UNC13C: variants seen among roughly 807,000 people sequenced by gnomAD.
UNC13C encodes the protein unc-13 homolog C.
A neutral mutation model predicts 245.4 loss-of-function variants in UNC13C; 174 were observed. The ratio of observed to expected loss-of-function variants is 0.71; its 90% CI spans 0.63 to 0.80. UNC13C has a LOEUF of 0.80. UNC13C is among the 30% of genes least tolerant of loss of function. The pLI, the probability that UNC13C is intolerant of heterozygous loss-of-function variation, is 0.00. For synonymous variants in UNC13C, 992 were observed against 895.1 expected (o/e 1.11, Z -1.93); for missense variants, 2,829 against 2,602.9 (o/e 1.09, Z -1.89).
intron 30 of UNC13C, 75 bp downstream of exon 30, chr15:54,568,022 A>G (rs1251834043): frequency 5.2e-6 from 6 of 1,149,862 alleles, no homozygotes; most frequent in East Asian, 5.5e-5. Context: ...ATTATTATAC[A>G]TAGTCCCAAT....
In UNC13C at chr15:54,540,689, T is replaced by G. The variant is rs867858835; in HGVS notation, c.5697-6033T>G. 3.9e-5 allele frequency among the ~76,000 whole-genome samples: 6 copies of G among 152,252 alleles called. No individual in the cohort carries two copies. In the South Asian group the frequency reaches 1.2e-3, roughly 32 times the overall value. Reference sequence around the variant, plus strand: ...ACATCTTCCTTCTTTATGTTGCACTTTCTCCACTAAGACCTTACCCCTTCA... The same window carrying G: ...ACATCTTCCTTCTTTATGTTGCACTGTCTCCACTAAGACCTTACCCCTTCA... On this transcript the variant is annotated intron_variant, in intron 26 of 32. Coordinates refer to ENST00000260323, the MANE Select transcript of UNC13C (RefSeq NM_001080534.3).
chr15:53,897,545 G>A, the UNC13C span, among the ~76,000 whole-genome samples: 2 of 152,106 alleles, frequency 1.3e-5, no homozygotes, highest in African/African-American at 2.4e-5. Context: ...CTCCCAAATA[G>A]CCAGTATTAT....
At chr15:54,379,842 T>A (rs189991483) in intron 17 of UNC13C, among the ~76,000 whole-genome samples, 15 of 152,304 alleles carry the variant, frequency 9.8e-5, no homozygotes, top group African/African-American at 3.6e-4. Flanking sequence ...GGTATGGGTT[T>A]TAAAATTATT....
the UNC13C span, among the ~76,000 whole-genome samples, chr15:53,909,166 G>A: frequency 1.2e-4 from 18 of 146,524 alleles, 1 homozygote; most frequent in South Asian, 3.2e-3. Context: ...AGAGAAAATC[G>A]CCATCGCTAC....
chr15:53,908,842 A>AT, the UNC13C span, among the ~76,000 whole-genome samples: 10 of 144,752 alleles, frequency 6.9e-5, no homozygotes, highest in African/African-American at 2.5e-4. Flanking sequence ...TATATTTAGC[A>AT]TTAGTTGAGT....
intron 4 of UNC13C, among the ~76,000 whole-genome samples, chr15:54,180,019 CTT>C (rs2033744954): frequency 1.3e-5 from 2 of 151,920 alleles, no homozygotes. Flanking sequence ...ATTTTATTGA[CTT>C]TATTTTACTT....
At chr15:53,983,286 C>T (rs1460281557) in intron 1 of UNC13C, among the ~76,000 whole-genome samples, 2 of 152,090 alleles carry the variant, frequency 1.3e-5, no homozygotes, top group Non-Finnish European at 2.9e-5. Flanking sequence ...GATTGACTCT[C>T]TCCAGTGCCT....
intron 2 of UNC13C, among the ~76,000 whole-genome samples, chr15:54,092,713 T>C (rs1595843360): frequency 6.6e-6 from 1 of 152,184 alleles, no homozygotes; most frequent in East Asian, 1.9e-4. Flanking sequence ...AATGAACTCA[T>C]AGTATCAAAA....
At chr15:54,427,386 T>C (rs1390858996) in intron 19 of UNC13C, among the ~76,000 whole-genome samples, 1 of 151,794 alleles carries the variant, frequency 6.6e-6, no homozygotes, top group Non-Finnish European at 1.5e-5. Context: ...TGCCTTTCTC[T>C]TCCCACCATG....
chr15:54,171,817 G>A (rs8038134), intron 4 of UNC13C, among the ~76,000 whole-genome samples: 4,103 of 151,982 alleles, frequency 0.027, 194 homozygotes, highest in African/African-American at 0.092. Flanking sequence ...TGTTTATTGC[G>A]GTATTATTCA....
intron 1 of UNC13C, among the ~76,000 whole-genome samples, chr15:53,987,528 C>A (rs1221032586): frequency 7.7e-6 from 1 of 129,752 alleles, no homozygotes; most frequent in Non-Finnish European, 1.8e-5. Flanking sequence ...GAAAGACAGG[C>A]TTTTTGTTGT....
At position 54,014,637 on chromosome 15, in the gene UNC13C, C is replaced by T; in HGVS notation, c.1734C>T (p.Leu578=). Residue 578 remains leucine (L), a synonymous_variant, in exon 2 of 33, where the codon CTC becomes CTT. Coordinates refer to ENST00000260323, the MANE Select transcript of UNC13C (RefSeq NM_001080534.3). ...TCACTAGAACTAATGGAAGCTCTCT[C>T]CTGTCATCTTCGGACCGGGAGCTAT... ...QFFTRTNGSS[L]LSSSDRELWQ... is the part of the protein sequence containing the mutation. The T allele has an allele frequency of 5.0e-6, 8 of 1,613,728 alleles. No individual in the cohort carries two copies. Among genetic ancestry groups the T allele is most frequent in the Non-Finnish European group, 6.8e-6 (8 of 1,179,796 alleles).
intron 2 of UNC13C, among the ~76,000 whole-genome samples, chr15:54,062,602 T>C (rs1897894115): frequency 6.6e-6 from 1 of 152,216 alleles, no homozygotes; most frequent in East Asian, 1.9e-4. Context: ...TTACCTTCCA[T>C]GTGGAAGTAC....
chr15:53,951,211 G>A, the UNC13C span, among the ~76,000 whole-genome samples: 1 of 152,100 alleles, frequency 6.6e-6, no homozygotes. Flanking sequence ...AACCTACATG[G>A]CTGGGTGACT....
the UNC13C span, among the ~76,000 whole-genome samples, chr15:53,906,484 C>T: frequency 2.0e-5 from 3 of 152,210 alleles, no homozygotes; most frequent in Non-Finnish European, 4.4e-5. Flanking sequence ...AGGAATCTGT[C>T]TAGCAACTAT....
At chr15:54,050,592 T>C in intron 2 of UNC13C, 1 of 427,322 alleles carries the variant, frequency 2.3e-6, no homozygotes, top group Non-Finnish European at 4.6e-6. Context: ...TTCCACTCTT[T>C]CTAACTTGGA....
chr15:53,905,278 A>G, the UNC13C span, among the ~76,000 whole-genome samples: 39,440 of 152,004 alleles, frequency 0.26, 5,574 homozygotes, highest in South Asian at 0.35. Context: ...TGTTATTCAC[A>G]ATAGCCAAGA....
intron 24 of UNC13C, among the ~76,000 whole-genome samples, chr15:54,520,891 G>C (rs1461750109): frequency 6.6e-6 from 1 of 152,116 alleles, no homozygotes; most frequent in African/African-American, 2.4e-5. Context: ...GCAGTCTGAA[G>C]ATCAAAAGAA....
chr15:53,936,639 C>T, the UNC13C span, among the ~76,000 whole-genome samples: 7 of 152,160 alleles, frequency 4.6e-5, no homozygotes, highest in African/African-American at 1.7e-4. Flanking sequence ...CAGGTCTGTG[C>T]CCCTCTGGGA....
Sources: allele counts gnomAD v4.1 joint callset (sites outside exome capture counted in the v4.1 genomes callset), GRCh38; gene constraint gnomAD v4.1.1; transcripts MANE v1.5; gene names NCBI Gene and HGNC (gene_info 2026-07-23, HGNC 2026-07-21).